FAH: variants seen among roughly 807,000 people sequenced by gnomAD.
The protein encoded by FAH is fumarylacetoacetate hydrolase.
Under a neutral mutation model 55.8 loss-of-function variants are expected in FAH, and 47 were observed. The ratio of observed to expected loss-of-function variants is 0.84; its 90% CI spans 0.67 to 1.07. The LOEUF (loss-of-function observed/expected upper bound fraction) is 1.07. Ranked by LOEUF, FAH falls within the 50% of genes least tolerant of loss-of-function variation. The pLI is 0.00. For missense variants in FAH, 495 were observed against 545.9 expected, an observed-to-expected ratio of 0.91 and a Z score of 0.93; for synonymous variants, 199 against 207.7, an observed-to-expected ratio of 0.96 and a Z score of 0.36.
chr15:80,163,839 G>A (rs1341689502), intron 5 of FAH: 4 of 152,184 alleles, frequency 2.6e-5, no homozygotes, highest in African/African-American at 9.7e-5. Context: ...AGAGTTTCTA[G>A]TGGCCCAGAA....
intron 5 of FAH, among the ~76,000 whole-genome samples, chr15:80,163,950 A>C (rs1827992798): frequency 6.6e-6 from 1 of 152,258 alleles, no homozygotes; most frequent in Admixed American, 6.5e-5. Context: ...TAGATCAAGA[A>C]AGATGTGCAC....
Position 80,153,133 on chromosome 15 carries a change from G to A in FAH, c.79G>A (p.Asp27Asn), listed in dbSNP as rs867200761. 3 of 1,611,386 alleles carry A rather than the reference G, an allele frequency of 1.9e-6. No homozygotes were observed. Among genetic ancestry groups the A allele is most frequent in the Non-Finnish European group, 2.5e-6 (3 of 1,178,906 alleles). Reference sequence around the variant, plus strand: ...CTACGGCGTCTTCTCGACCAGAGGCGACGTGAGCAGTGGGGCTTTGGCGTC... The same window carrying A: ...CTACGGCGTCTTCTCGACCAGAGGCAACGTGAGCAGTGGGGCTTTGGCGTC... Reference protein sequence around the residue: ...LPYGVFSTRGDPRPRIGVAIG... With the variant: ...LPYGVFSTRGNPRPRIGVAIG... The change falls in exon 1 of 14, where the codon GAC (aspartate) becomes AAC (asparagine). Residue 27 changes from aspartate (D) to asparagine (N), a missense_variant and splice_region_variant. Asp to Asn is a conservative substitution (Grantham distance 23). Transcript: ENST00000561421.
chr15:80,180,225 G>A lies in FAH; in HGVS notation c.1062G>A (p.Pro354=), dbSNP rs767329352. The part of the protein sequence containing the change: ...DLLASGTISG[P]EPENFGSMLE... Reference sequence around the variant, plus strand: ...TGGCTTCTGGGACCATCAGCGGGCCGGTGAGTATCTGGCTGCACTGAGGGC... The same window carrying A: ...TGGCTTCTGGGACCATCAGCGGGCCAGTGAGTATCTGGCTGCACTGAGGGC... Residue 354 remains proline (P), a splice_region_variant and synonymous_variant, in exon 12 of 14, where the codon CCG becomes CCA. Coordinates refer to ENST00000561421, the MANE Select transcript of FAH (RefSeq NM_000137.4). 5.0e-6 allele frequency: 8 copies of A among 1,604,214 alleles called. No individual in the cohort carries two copies. The Admixed American group carries it at 5.0e-5, about 10-fold the overall frequency.
intron 13 of FAH, among the ~76,000 whole-genome samples, chr15:80,183,465 G>A (rs529975203): frequency 1.3e-5 from 2 of 152,332 alleles, no homozygotes; most frequent in South Asian, 2.1e-4. Flanking sequence ...CCGCATTGGC[G>A]GACGGCTCTG....
At chr15:80,185,691 C>T (rs1194363709) in intron 13 of FAH, among the ~76,000 whole-genome samples, 3 of 152,094 alleles carry the variant, frequency 2.0e-5, no homozygotes, top group Admixed American at 6.6e-5. Flanking sequence ...AAGGAGAAAC[C>T]GCTTATAAAA....
chr15:80,166,304 T>C (rs1339045980), intron 5 of FAH: 1 of 152,030 alleles, frequency 6.6e-6, no homozygotes, highest in Non-Finnish European at 1.5e-5. Context: ...TTGTATTTTT[T>C]GTAGAGATGG....
intron 1 of FAH, 139 bp downstream of exon 1, chr15:80,153,274 C>A (rs1178983841): frequency 9.5e-6 from 7 of 733,822 alleles, no homozygotes; most frequent in Non-Finnish European, 1.7e-5. Context: ...AGATTCGTTC[C>A]GTGAGAGTGC....
intron 13 of FAH, among the ~76,000 whole-genome samples, chr15:80,182,011 T>A (rs192147829): frequency 1.0e-3 from 156 of 152,330 alleles, no homozygotes; most frequent in African/African-American, 3.6e-3. Context: ...ATGTATTCTC[T>A]CACAGCTCTA....
At chr15:80,154,589 A>G (rs1038792790) in intron 1 of FAH, among the ~76,000 whole-genome samples, 51 of 152,344 alleles carry the variant, frequency 3.3e-4, no homozygotes, top group African/African-American at 1.2e-3. Flanking sequence ...TGGACATTCC[A>G]ACCGTGATGG....
intron 5 of FAH, among the ~76,000 whole-genome samples, chr15:80,164,670 G>A (rs149725727): frequency 5.5e-4 from 84 of 152,272 alleles, no homozygotes; most frequent in Admixed American, 2.3e-3. Flanking sequence ...GGGAGTGGCC[G>A]GGTGGGGAGA....
chr15:80,161,678 G>T (rs1409434224), intron 4 of FAH, among the ~76,000 whole-genome samples: 2 of 152,192 alleles, frequency 1.3e-5, no homozygotes, highest in East Asian at 1.9e-4. Flanking sequence ...GGACTGGGCT[G>T]GGGCTGTCCT....
At chr15:80,180,686 G>T (rs1425040515) in intron 12 of FAH, among the ~76,000 whole-genome samples, 1 of 152,106 alleles carries the variant, frequency 6.6e-6, no homozygotes, top group African/African-American at 2.4e-5. Context: ...GAGCCCTCTT[G>T]TTCCTTGAGC....
intron 5 of FAH, among the ~76,000 whole-genome samples, chr15:80,164,960 T>C (rs1260582258): frequency 6.6e-6 from 1 of 152,238 alleles, no homozygotes; most frequent in Non-Finnish European, 1.5e-5. Context: ...GAAATTTGCT[T>C]TTTTTACTTC....
intron 3 of FAH, 115 bp from the exon 4 acceptor site, chr15:80,160,295 A>G: frequency 9.2e-7 from 1 of 1,082,204 alleles, no homozygotes; most frequent in Non-Finnish European, 1.4e-6. Context: ...CAGGCCAGCC[A>G]GAAGGTGCCC....
At chr15:80,180,046 C>A in intron 11 of FAH, 78 bp from the exon 12 acceptor site, 1 of 990,002 alleles carries the variant, frequency 1.0e-6, no homozygotes, top group Non-Finnish European at 1.5e-6. Context: ...GTGAGCAGGG[C>A]AGGCTGTGCC....
Position 80,172,034 on chromosome 15 carries a change from T to A in FAH, c.607-115T>A, listed in dbSNP as rs926542195. ...ACAGTGGATTCATGCCAGGCCCCTG[T>A]GGCAGTCCTGGTCCATGGCTGGAGT... On this transcript the variant is annotated intron_variant, in intron 7 of 13. Coordinates refer to ENST00000561421, the MANE Select transcript of FAH (RefSeq NM_000137.4). 23 of 802,804 alleles carry A rather than the reference T, an allele frequency of 2.9e-5. No individual in the cohort carries two copies. In the African/African-American group the frequency reaches 3.4e-4, roughly 12 times the overall value. The allele number at this position is 802,804 out of a possible 1,614,324, so 49.7% of individuals were successfully genotyped here. A position where few individuals can be genotyped will look rare whatever the true frequency, so the allele number is the denominator to read the frequency against.
In FAH at chr15:80,158,188, G is replaced by T; in HGVS notation, c.192+18G>T. The T allele has an allele frequency of 6.4e-7, 1 of 1,554,248 alleles. No individual in the cohort carries two copies. The highest frequency in any genetic ancestry group is 1.1e-5 in the South Asian group (1 of 89,868). On this transcript the variant is annotated intron_variant, in intron 2 of 13. Transcript: ENST00000561421. ...TCAATCAGGTAGGACATTGTGAAAC[G>T]ACTTGTCCCTGACCTCAGTGGCACT...
At position 80,160,472 on chromosome 15, in the gene FAH, T is replaced by C; in HGVS notation, c.364+13T>C. The C allele has an allele frequency of 1.9e-6, 3 of 1,613,862 alleles. No individual in the cohort carries two copies. The highest frequency in any genetic ancestry group is 2.5e-6 in the Non-Finnish European group (3 of 1,179,720). On this transcript the variant is annotated intron_variant, in intron 4 of 13. Coordinates refer to ENST00000561421, the MANE Select transcript of FAH (RefSeq NM_000137.4). The stretch of plus-strand genomic sequence containing the variant: ...CCAGCCACCATAGGTGAGTGCAGTC[T>C]CTTCACCAAGATAAGAACGGAGCAG...
chr15:80,157,241 G>T (rs71397596), intron 1 of FAH: 8,829 of 152,446 alleles, frequency 0.058, 302 homozygotes, highest in South Asian at 0.084. Context: ...TCTTTTCTCA[G>T]CCCACCCCAG....
Sources: allele counts gnomAD v4.1 joint callset (sites outside exome capture counted in the v4.1 genomes callset), GRCh38; gene constraint gnomAD v4.1.1; transcripts MANE v1.5; gene names NCBI Gene and HGNC (gene_info 2026-07-23, HGNC 2026-07-21).